PCDH7: variants seen among roughly 807,000 people sequenced by gnomAD.
PCDH7 encodes the protein protocadherin 7.
PCDH7 carries 17 observed loss-of-function variants against 58.9 expected under a neutral mutation model. The observed-to-expected ratio is 0.29, with a 90% CI of 0.20 to 0.43. The LOEUF is 0.43. Among genes scored for constraint, PCDH7 ranks in the 20% least tolerant of loss-of-function variants. PCDH7 has a pLI of 1.00. For synonymous variants in PCDH7, 664 were observed against 616.4 expected (o/e 1.08, Z -1.14); for missense variants, 1,274 against 1,441.0 (o/e 0.88, Z 1.88).
chr4:30,784,075 G>C (rs1430639039), intron 1 of PCDH7, among the ~76,000 whole-genome samples: 2 of 152,210 alleles, frequency 1.3e-5, no homozygotes, highest in East Asian at 3.9e-4. Context: ...CTGAAAGATT[G>C]GTTTGGTCTG....
chr4:31,020,834 C>T (rs1459108769), intron 3 of PCDH7, among the ~76,000 whole-genome samples: 1 of 152,200 alleles, frequency 6.6e-6, no homozygotes, highest in African/African-American at 2.4e-5. Context: ...TATATTCCCA[C>T]TGTGAAATCC....
chr4:30,768,476 G>T (rs1381028990), intron 1 of PCDH7, among the ~76,000 whole-genome samples: 1 of 152,144 alleles, frequency 6.6e-6, no homozygotes, highest in African/African-American at 2.4e-5. Flanking sequence ...AGCTCCATTT[G>T]CAAAGGAGAT....
intron 1 of PCDH7, among the ~76,000 whole-genome samples, chr4:30,777,851 T>C (rs1329978640): frequency 6.6e-6 from 1 of 152,166 alleles, no homozygotes. Context: ...CATAAAACGA[T>C]TGATTCATTC....
At chr4:31,143,247 A>G, downstream of PCDH7, 1 of 158,608 alleles carries the variant, frequency 6.3e-6, no homozygotes, top group Non-Finnish European at 1.4e-5. Flanking sequence ...GATTTTAGTC[A>G]CTTTGATTTT....
At chr4:31,081,774 CT>C (rs200658213) in intron 3 of PCDH7, among the ~76,000 whole-genome samples, 5,111 of 142,018 alleles carry the variant, frequency 0.036, 247 homozygotes, top group African/African-American at 0.12. Flanking sequence ...TTTTTAATTT[CT>C]TTTTTTTTTT....
intron 3 of PCDH7, among the ~76,000 whole-genome samples, chr4:31,044,012 A>C (rs1329736659): frequency 6.6e-6 from 1 of 152,162 alleles, no homozygotes; most frequent in Non-Finnish European, 1.5e-5. Context: ...TAATGATGAG[A>C]GAAAGGAGAG....
chr4:31,089,075 A>C lies in PCDH7; in HGVS notation c.*8-53398A>C, dbSNP rs1712870237. 2.0e-5 allele frequency among the ~76,000 whole-genome samples: 3 copies of C among 152,064 alleles called. No individual in the cohort carries two copies. In the South Asian group the frequency reaches 6.2e-4, roughly 31 times the overall value. Reference sequence around the variant, plus strand: ...ATTCTGACTCAGTCAGAAAATAGCTAAGAGCACCACTTGTTTGCTTTAGAT... The same window carrying C: ...ATTCTGACTCAGTCAGAAAATAGCTCAGAGCACCACTTGTTTGCTTTAGAT... On this transcript the variant is annotated intron_variant, in intron 3 of 3. Coordinates refer to the PCDH7 transcript ENST00000509759.
chr4:31,056,458 GAAGAAAGA>G lies in PCDH7; in HGVS notation c.*8-85963_*8-85956del, dbSNP rs1553932367. Among the ~76,000 whole-genome samples the G allele has an allele frequency of 9.7e-3, 809 of 83,194 alleles. 14 individuals carry two copies. Among genetic ancestry groups the G allele is most frequent in the Non-Finnish European group, 0.011 (511 of 45,192 alleles). 54.6% of individuals were successfully genotyped at this position (83,194 alleles called of 152,430 possible). ...AGAAAGAAGGAAAGAAAGAAAGAAA[GAAGAAAGA>G]AAGAAAGAAAGAAAGAAAGAAAGAA... is the stretch of plus-strand genomic sequence containing the variant. On this transcript the variant is annotated intron_variant, in intron 3 of 3. Coordinates refer to the PCDH7 transcript ENST00000509759.
intron 1 of PCDH7, among the ~76,000 whole-genome samples, chr4:30,748,718 G>A (rs944117882): frequency 1.3e-5 from 2 of 152,136 alleles, no homozygotes; most frequent in African/African-American, 4.8e-5. Flanking sequence ...ACTGGGAATA[G>A]CAATATCATT....
At chr4:31,048,885 G>T (rs191868565) in intron 3 of PCDH7, among the ~76,000 whole-genome samples, 1 of 152,110 alleles carries the variant, frequency 6.6e-6, no homozygotes, top group African/African-American at 2.4e-5. Flanking sequence ...CAATGTAAAA[G>T]GACAAATTGC....
intron 1 of PCDH7, among the ~76,000 whole-genome samples, chr4:30,844,824 A>G (rs1285905736): frequency 2.0e-5 from 3 of 152,200 alleles, no homozygotes; most frequent in Non-Finnish European, 4.4e-5. Context: ...TTCTAATTAC[A>G]TTCCACAGGG....
intron 1 of PCDH7, among the ~76,000 whole-genome samples, chr4:30,798,082 G>C (rs1017511606): frequency 1.3e-5 from 2 of 152,166 alleles, no homozygotes; most frequent in Admixed American, 1.3e-4. Context: ...ACAGTGCCAA[G>C]AGTCCAGGCT....
intron 1 of PCDH7, among the ~76,000 whole-genome samples, chr4:30,819,754 C>T (rs976338959): frequency 5.3e-5 from 8 of 152,070 alleles, no homozygotes; most frequent in East Asian, 1.9e-4. Context: ...GTAATTGGGC[C>T]GGACAAAGAG....
At chr4:31,059,131 T>A (rs1270338015) in intron 3 of PCDH7, among the ~76,000 whole-genome samples, 2 of 151,972 alleles carry the variant, frequency 1.3e-5, no homozygotes, top group Non-Finnish European at 2.9e-5. Context: ...CATTATGTCT[T>A]AAGATCATTT....
intron 1 of PCDH7, among the ~76,000 whole-genome samples, chr4:30,775,485 C>T (rs2109282844): frequency 6.6e-6 from 1 of 152,216 alleles, no homozygotes; most frequent in South Asian, 2.1e-4. Flanking sequence ...ACCTTTCAAA[C>T]ATATTTATTC....
intron 1 of PCDH7, among the ~76,000 whole-genome samples, chr4:30,841,124 G>A (rs1731161549): frequency 6.6e-6 from 1 of 151,914 alleles, no homozygotes. Flanking sequence ...TAGTTCTAAT[G>A]TACTCTGTAA....
intron 3 of PCDH7, among the ~76,000 whole-genome samples, chr4:31,115,482 ATTCT>A (rs1199898182): frequency 1.3e-5 from 2 of 152,118 alleles, no homozygotes; most frequent in Non-Finnish European, 2.9e-5. Flanking sequence ...TTTTCCGCTC[ATTCT>A]TTATTTTTCT....
chr4:31,022,284 T>A (rs1422697885), intron 3 of PCDH7, among the ~76,000 whole-genome samples: 3 of 152,164 alleles, frequency 2.0e-5, no homozygotes, highest in African/African-American at 4.8e-5. Context: ...CTTAGCACCA[T>A]GGAGATTTTG....
intron 3 of PCDH7, among the ~76,000 whole-genome samples, chr4:31,042,043 G>C (rs73115169): frequency 0.24 from 36,088 of 152,008 alleles, 4,542 homozygotes; most frequent in South Asian, 0.33. Flanking sequence ...CAAGATACTA[G>C]TGTTTCTGAT....
Sources: gnomAD v4.1 joint callset for allele counts (sites outside exome capture counted in the v4.1 genomes callset) on GRCh38, gnomAD v4.1.1 for gene constraint, MANE v1.5 for transcripts, NCBI Gene and HGNC (gene_info 2026-07-23, HGNC 2026-07-21) for gene names.